COL9A1: variants seen among roughly 807,000 people sequenced by gnomAD.
COL9A1 encodes the protein collagen type IX alpha 1 chain, also known as collagen alpha-1(IX) chain.
Under a neutral mutation model 142.6 loss-of-function variants are expected in COL9A1, and 104 were observed. The ratio of observed to expected loss-of-function variants is 0.73; its 90% CI spans 0.62 to 0.86. COL9A1 has a LOEUF of 0.86. Ranked by LOEUF, COL9A1 falls within the 40% of genes least tolerant of loss-of-function variation. COL9A1 has a pLI of 0.00. For synonymous variants in COL9A1, 466 were observed against 396.0 expected, an observed-to-expected ratio of 1.18 and a Z score of -2.10; for missense variants, 1,210 against 1,176.6, an observed-to-expected ratio of 1.03 and a Z score of -0.42.
chr6:70,232,063 T>G (rs2127557179), intron 36 of COL9A1, among the ~76,000 whole-genome samples: 1 of 141,746 alleles, frequency 7.1e-6, no homozygotes, highest in African/African-American at 2.5e-5. Context: ...ACTTCAGAGC[T>G]GAAAAAAAAA....
chr6:70,263,920 T>C (rs1302181216), intron 18 of COL9A1, among the ~76,000 whole-genome samples: 1 of 152,000 alleles, frequency 6.6e-6, no homozygotes, highest in Non-Finnish European at 1.5e-5. Context: ...TAGAAATCTG[T>C]AATTACCCGT....
At chr6:70,288,483 G>A (rs993441944) in intron 5 of COL9A1, among the ~76,000 whole-genome samples, 7 of 152,132 alleles carry the variant, frequency 4.6e-5, no homozygotes, top group African/African-American at 1.7e-4. Context: ...ATGAGAACAT[G>A]TTGCTTATCT....
intron 24 of COL9A1, 88 bp from the exon 25 acceptor site, chr6:70,254,617 A>G (rs1771154258): frequency 1.6e-6 from 2 of 1,275,692 alleles, no homozygotes; most frequent in East Asian, 2.3e-5. Context: ...CGTTTTAAGT[A>G]AAAGGATTGT....
intron 8 of COL9A1, 79 bp from the exon 9 acceptor site, chr6:70,281,118 GC>G (rs1773134103): frequency 1.6e-6 from 2 of 1,250,518 alleles, no homozygotes; most frequent in Admixed American, 4.3e-5. Flanking sequence ...TCCCAGGAGA[GC>G]TCACTTCACA....
intron 10 of COL9A1, chr6:70,280,387 G>T: frequency 8.5e-7 from 1 of 1,171,122 alleles, no homozygotes; most frequent in Middle Eastern, 3.5e-4. Flanking sequence ...TTAATGCAGG[G>T]AGTGCCGGTG....
At chr6:70,245,984 C>T (rs1770582215) in intron 28 of COL9A1, 1 of 152,174 alleles carries the variant, frequency 6.6e-6, no homozygotes, top group Non-Finnish European at 1.5e-5. Flanking sequence ...GAACCATAAC[C>T]AAAGGCTGTA....
intron 28 of COL9A1, among the ~76,000 whole-genome samples, chr6:70,244,675 A>T (rs921555574): frequency 9.2e-5 from 14 of 152,212 alleles, no homozygotes; most frequent in African/African-American, 3.4e-4. Context: ...GATGATTATT[A>T]TACATTTTTT....
rs1177164174 is a variant in COL9A1 at position 70,216,637 on chromosome 6, G to A, written c.*260C>T. ...GGAACAGGAGTATAAATTTATTCAA[G>A]GGAGGTGTTTGGTTTTCTTTTTTTT... On this transcript the variant is annotated 3_prime_UTR_variant, in exon 38 of 38. Coordinates refer to ENST00000357250, the MANE Select transcript of COL9A1 (RefSeq NM_001851.6). 2.0e-6 allele frequency: 1 copy of A among 502,010 alleles called. No individual in the cohort carries two copies. The highest frequency in any genetic ancestry group is 3.6e-6 in the Non-Finnish European group (1 of 277,492). 31.1% of individuals were successfully genotyped at this position (502,010 alleles called of 1,614,324 possible). A position where few individuals can be genotyped will look rare whatever the true frequency, so the allele number is the denominator to read the frequency against.
At position 70,216,969 on chromosome 6, in the gene COL9A1, G is replaced by A. The variant is rs370324739; in HGVS notation, c.2694C>T (p.Pro898=). The change falls in exon 38 of 38, where the codon CCC becomes CCT. Residue 898 remains proline, a synonymous_variant. Transcript: ENST00000357250. Reference sequence around the variant, plus strand: ...TGCAGGAGGCTGGCTCACAGAAACCGGGAAGCCCAGGAGGTCCCGGGGGTC... The same window carrying A: ...TGCAGGAGGCTGGCTCACAGAAACCAGGAAGCCCAGGAGGTCCCGGGGGTC... ...VPGPPGPPGL[P]GFCEPASCTM... 6 of 1,613,972 alleles carry A rather than the reference G, an allele frequency of 3.7e-6. No individual in the cohort carries two copies. The highest frequency in any genetic ancestry group is 4.5e-5 in the East Asian group (2 of 44,870).
At chr6:70,289,459 C>A (rs1773577736) in intron 5 of COL9A1, among the ~76,000 whole-genome samples, 1 of 152,244 alleles carries the variant, frequency 6.6e-6, no homozygotes, top group East Asian at 1.9e-4. Flanking sequence ...AGCTCTAGTT[C>A]TGTGTTTCCT....
rs1770331375 is a variant in COL9A1 at position 70,242,563 on chromosome 6, G to A, written c.1926+99C>T. The A allele has an allele frequency of 6.8e-6, 7 of 1,029,036 alleles. No homozygotes were observed. The East Asian group carries it at 1.4e-4, about 21-fold the overall frequency. The allele number at this position is 1,029,036 out of a possible 1,614,324, so 63.7% of individuals were successfully genotyped here. A position where few individuals can be genotyped will look rare whatever the true frequency, so the allele number is the denominator to read the frequency against. Reference sequence around the variant, plus strand: ...ATATTCACATAACAAGAGAAATCAAGTACAGGTAATTCAATTGTAAATTGT... The same window carrying A: ...ATATTCACATAACAAGAGAAATCAAATACAGGTAATTCAATTGTAAATTGT... On this transcript the variant is annotated intron_variant, in intron 29 of 37. Coordinates refer to ENST00000357250, the MANE Select transcript of COL9A1 (RefSeq NM_001851.6).
chr6:70,270,039 T>C (rs1772289544), intron 15 of COL9A1, among the ~76,000 whole-genome samples: 2 of 152,224 alleles, frequency 1.3e-5, no homozygotes, highest in Admixed American at 1.3e-4. Flanking sequence ...CATTTATATA[T>C]CTAAGTTTTG....
At chr6:70,247,915 TACA>T (rs1405757703) in intron 28 of COL9A1, among the ~76,000 whole-genome samples, 2 of 152,128 alleles carry the variant, frequency 1.3e-5, no homozygotes, top group Non-Finnish European at 2.9e-5. Context: ...TCTTTCACAA[TACA>T]ACATTTGTGG....
chr6:70,220,027 A>T (rs1167652378), intron 37 of COL9A1, among the ~76,000 whole-genome samples: 1 of 152,118 alleles, frequency 6.6e-6, no homozygotes, highest in Non-Finnish European at 1.5e-5. Flanking sequence ...CCTCTGAAGG[A>T]AGAGTCGATG....
intron 14 of COL9A1, 29 bp downstream of exon 14, chr6:70,271,626 C>T (rs1292703622): frequency 1.1e-5 from 17 of 1,605,810 alleles, no homozygotes; most frequent in East Asian, 6.7e-5. Context: ...AATCAGCAAA[C>T]GTCTATCAAA....
chr6:70,303,033 C>T lies in COL9A1; in HGVS notation c.-109G>A. 1 of 1,230,478 alleles carries T rather than the reference C, an allele frequency of 8.1e-7. No individual in the cohort carries two copies. The highest frequency in any genetic ancestry group is 1.2e-6 in the Non-Finnish European group (1 of 831,786). 76.2% of individuals were successfully genotyped at this position (1,230,478 alleles called of 1,614,324 possible). ...CACTGTTACCCTAGGACTATGTGTT[C>T]TGGGCCCAGCCTTGGTCCCTCCTGC... On this transcript the variant is annotated 5_prime_UTR_variant, in exon 1 of 38. Transcript: ENST00000357250.
rs1769624110 is a variant in COL9A1, at chr6:70,232,631, G to A, written c.2455C>T (p.Pro819Ser). The A allele has an allele frequency of 6.2e-7, 1 of 1,614,106 alleles. No individual in the cohort carries two copies. The highest frequency in any genetic ancestry group is 8.5e-7 in the Non-Finnish European group (1 of 1,180,024). ...FPGQMGIRGL[P>S]GIKGPPGALG... ...GCACCAGGGGGCCCCTTAATGCCCG[G>A]AAGGCCACGAATTCCCATCTGGCCT... Residue 819 changes from proline to serine, a missense_variant, in exon 36 of 38, where the codon CCG becomes TCG. Coordinates refer to ENST00000357250, the MANE Select transcript of COL9A1 (RefSeq NM_001851.6).
chr6:70,217,157 C>T (rs1314509859), intron 37 of COL9A1, 76 bp from the exon 38 acceptor site: 2 of 1,471,314 alleles, frequency 1.4e-6, no homozygotes, highest in Middle Eastern at 1.7e-4. Context: ...CATGGCTCAG[C>T]AGCGCTCAGA....
In COL9A1 at chr6:70,216,895, T is replaced by G; in HGVS notation, c.*2A>C. 1.2e-5 allele frequency: 20 copies of G among 1,613,986 alleles called. No individual in the cohort carries two copies. The highest frequency in any genetic ancestry group is 1.7e-5 in the Non-Finnish European group (20 of 1,180,028). ...GCAGACAGCCATGCAGCAGTAAGCCTTTCAAGGGTCAGGCCCTTTGTTAAA... is the reference window on the plus strand; with the variant it reads ...GCAGACAGCCATGCAGCAGTAAGCCGTTCAAGGGTCAGGCCCTTTGTTAAA... On this transcript the variant is annotated 3_prime_UTR_variant, in exon 38 of 38. Transcript: ENST00000357250.
Sources: allele counts gnomAD v4.1 joint callset (sites outside exome capture counted in the v4.1 genomes callset), GRCh38; gene constraint gnomAD v4.1.1; transcripts MANE v1.5; gene names NCBI Gene and HGNC (gene_info 2026-07-23, HGNC 2026-07-21).